Variants in PTAFR observed in about 807,000 individuals in gnomAD.
The protein encoded by PTAFR is platelet-activating factor receptor.
PTAFR carries 8 observed loss-of-function variants against 14.7 expected under a neutral mutation model. That is an observed-to-expected ratio of 0.54 (90% CI 0.32 to 0.98). The LOEUF (loss-of-function observed/expected upper bound fraction) is 0.98. PTAFR is among the 50% of genes least tolerant of loss of function. PTAFR has a pLI of 0.04. For missense variants in PTAFR, 337 were observed against 451.2 expected, an observed-to-expected ratio of 0.75 and a Z score of 2.29; for synonymous variants, 156 against 176.5, an observed-to-expected ratio of 0.88 and a Z score of 0.92.
chr1:28,154,907 T>G (rs1406659100), intron 1 of PTAFR, among the ~76,000 whole-genome samples: 1 of 151,582 alleles, frequency 6.6e-6, no homozygotes, highest in African/African-American at 2.4e-5. Flanking sequence ...ACATTTCAGT[T>G]GAGGCCTGAA....
At position 28,150,353 on chromosome 1, in the gene PTAFR, G is replaced by A. The variant is rs142992751; in HGVS notation, c.669C>T (p.Asn223=). ...LLMQPVQQQR[N]AEVKRRALWM... is the part of the protein sequence containing the mutation. ...ACAGCGCCCGGCGCTTGACTTCAGC[G>A]TTGCGCTGCTGCTGCACCGGCTGCA... Residue 223 remains asparagine, a synonymous_variant, in exon 2 of 2, where the codon AAC becomes AAT. Coordinates refer to ENST00000373857, the MANE Select transcript of PTAFR (RefSeq NM_000952.5). The surrounding 1 kb of genome is among the most constrained non-coding windows in gnomAD (Gnocchi z 6.3). 108 of 1,613,960 alleles carry A rather than the reference G, an allele frequency of 6.7e-5. No homozygotes were observed. Among genetic ancestry groups the A allele is most frequent in the Non-Finnish European group, 8.1e-5 (96 of 1,179,980 alleles).
intron 1 of PTAFR, among the ~76,000 whole-genome samples, chr1:28,183,577 G>A (rs373344008): frequency 1.2e-4 from 19 of 152,068 alleles, no homozygotes; most frequent in South Asian, 4.2e-4. Flanking sequence ...GCAGTGAGCC[G>A]TGACTACACC....
At chr1:28,152,005 A>T (rs1266699149) in intron 1 of PTAFR, among the ~76,000 whole-genome samples, 1 of 151,888 alleles carries the variant, frequency 6.6e-6, no homozygotes, top group Non-Finnish European at 1.5e-5. Flanking sequence ...CAATCTTCCC[A>T]CCTCAGCCTC....
At chr1:28,172,676 T>C (rs1646464648) in intron 1 of PTAFR, among the ~76,000 whole-genome samples, 1 of 152,160 alleles carries the variant, frequency 6.6e-6, no homozygotes, top group African/African-American at 2.4e-5. Context: ...AAACTGGCCA[T>C]GCACTAAGCC....
chr1:28,178,999 A>C (rs76935360), upstream of PTAFR, among the ~76,000 whole-genome samples: 1 of 140,926 alleles, frequency 7.1e-6, no homozygotes, highest in Non-Finnish European at 1.5e-5. Flanking sequence ...TATTTAAAAC[A>C]AAAAAAAAAG....
intron 1 of PTAFR, among the ~76,000 whole-genome samples, chr1:28,174,399 A>ATC (rs1187729713): frequency 6.6e-6 from 1 of 152,016 alleles, no homozygotes; most frequent in African/African-American, 2.4e-5. Context: ...GAAGTGGGGA[A>ATC]TCTCTGCTCC....
chr1:28,157,600 T>C (rs1376252185), intron 1 of PTAFR, among the ~76,000 whole-genome samples: 2 of 151,938 alleles, frequency 1.3e-5, no homozygotes, highest in African/African-American at 4.8e-5. Flanking sequence ...TGGTACTTTG[T>C]TTATCATAAT....
At chr1:28,191,989 G>A (rs954727323) in intron 1 of PTAFR, among the ~76,000 whole-genome samples, 1 of 152,012 alleles carries the variant, frequency 6.6e-6, no homozygotes, top group African/African-American at 2.4e-5. Flanking sequence ...AGGATCGTTT[G>A]AGCCTGGGGT....
chr1:28,160,394 C>CAA (rs369771521), intron 1 of PTAFR, among the ~76,000 whole-genome samples: 17 of 128,000 alleles, frequency 1.3e-4, no homozygotes, highest in East Asian at 2.3e-4. Context: ...GGCTTCATCT[C>CAA]AAAAAAAAAA....
Position 28,174,118 on chromosome 1 carries a change from A to C in PTAFR, c.-39+2474T>G, listed in dbSNP as rs116489629. ...ACACCAGAGGCTTCTCCCCGCTCTC[A>C]TCATGCTGTCAAGGAGCCCAAGAGG... On this transcript the variant is annotated intron_variant, in intron 1 of 1. Coordinates refer to ENST00000373857, the MANE Select transcript of PTAFR (RefSeq NM_000952.5). Among the ~76,000 whole-genome samples, 385 of 152,222 alleles carry C rather than the reference A, an allele frequency of 2.5e-3. 2 individuals are homozygous for C. The highest frequency in any genetic ancestry group is 8.7e-3 in the African/African-American group (360 of 41,528).
At chr1:28,153,035 C>T (rs1210518504) in intron 1 of PTAFR, among the ~76,000 whole-genome samples, 1 of 152,138 alleles carries the variant, frequency 6.6e-6, no homozygotes, top group African/African-American at 2.4e-5. Context: ...TGGCTCATGC[C>T]TGTAATCCCA....
intron 1 of PTAFR, among the ~76,000 whole-genome samples, chr1:28,171,335 A>C (rs1040463262): frequency 6.6e-6 from 1 of 152,064 alleles, no homozygotes; most frequent in African/African-American, 2.4e-5. Context: ...AAAAAAAAAA[A>C]AACTTGACCT....
intron 1 of PTAFR, among the ~76,000 whole-genome samples, chr1:28,190,942 C>A (rs1424169961): frequency 6.6e-6 from 1 of 152,218 alleles, no homozygotes; most frequent in African/African-American, 2.4e-5. Context: ...TCAGAGTCTT[C>A]ATCTGTGAAG....
intron 1 of PTAFR, among the ~76,000 whole-genome samples, chr1:28,185,283 T>C (rs1350646328): frequency 6.6e-6 from 1 of 152,172 alleles, no homozygotes; most frequent in Non-Finnish European, 1.5e-5. Context: ...ATGAATGACA[T>C]TAGAGAGAGG....
rs2148990486 is a variant in PTAFR at position 28,147,980 on chromosome 1, C to T, written c.*2013G>A. 1 of 152,762 alleles carries T rather than the reference C, an allele frequency of 6.5e-6. No homozygotes were observed. 9.5% of individuals were successfully genotyped at this position (152,762 alleles called of 1,614,324 possible). ...CAGCCCACAGCTACCATCCCAGACT[C>T]CAGCAGGTTACAGGTCCATCGAGAG... On this transcript the variant is annotated 3_prime_UTR_variant, in exon 2 of 2. Coordinates refer to ENST00000373857, the MANE Select transcript of PTAFR (RefSeq NM_000952.5).
chr1:28,150,649 T>A lies in PTAFR; in HGVS notation c.373A>T (p.Thr125Ser). 1 of 1,614,032 alleles carries A rather than the reference T, an allele frequency of 6.2e-7. No individual in the cohort carries two copies. The highest frequency in any genetic ancestry group is 2.2e-5 in the East Asian group (1 of 44,880). ...CGCTTGCGGGTGTTGGCCTGAGCAG[T>A]CTTGATGGGCCGAGTTACTGCCTGG... ...RFQAVTRPIK[T>S]AQANTRKRGI... The change falls in exon 2 of 2, where the codon ACT becomes TCT. Residue 125 changes from threonine (T) to serine (S), a missense_variant. By Grantham distance (58) the Thr-to-Ser change is moderately conservative (BLOSUM62 1). Transcript: ENST00000373857. The surrounding 1 kb of genome is among the most constrained non-coding windows in gnomAD (Gnocchi z 6.3).
At chr1:28,169,814 A>G (rs1222434033) in intron 1 of PTAFR, among the ~76,000 whole-genome samples, 1 of 152,188 alleles carries the variant, frequency 6.6e-6, no homozygotes, top group African/African-American at 2.4e-5. Flanking sequence ...AGCCTAGCCA[A>G]CATGGTGAAA....
Position 28,148,028 on chromosome 1 carries a change from C to G in PTAFR, c.*1965G>C, listed in dbSNP as rs371812723. ...GAGGCATTTCTCAAAATCAGCAATC[C>G]GGTGTTTGCCCGGTACACAGGAAAT... is the stretch of plus-strand genomic sequence containing the variant. On this transcript the variant is annotated 3_prime_UTR_variant, in exon 2 of 2. Transcript: ENST00000373857. 1 of 152,338 alleles carries G rather than the reference C, an allele frequency of 6.6e-6. No homozygotes were observed. Among genetic ancestry groups the G allele is most frequent in the Non-Finnish European group, 1.5e-5 (1 of 68,096 alleles). The allele number at this position is 152,338 out of a possible 1,614,324, so 9.4% of individuals were successfully genotyped here.
chr1:28,169,265 A>C (rs530900473), intron 1 of PTAFR, among the ~76,000 whole-genome samples: 1 of 151,866 alleles, frequency 6.6e-6, no homozygotes, highest in Admixed American at 6.6e-5. Flanking sequence ...ATGCTAAGAG[A>C]GTAAATTTAT....
Sources: gnomAD v4.1 joint callset for allele counts (sites outside exome capture counted in the v4.1 genomes callset) on GRCh38, gnomAD v4.1.1 for gene constraint, Gnocchi (gnomAD v3.1) non-coding constraint, MANE v1.5 for transcripts, NCBI Gene and HGNC (gene_info 2026-07-23, HGNC 2026-07-21) for gene names.